HACL2: variants seen among roughly 807,000 people sequenced by gnomAD.
HACL2 encodes the protein 2-hydroxyacyl-CoA lyase 1 like.
At chr19:15,115,802 TC>T in the HACL2 span, 1 of 1,568,240 alleles carries the variant, frequency 6.4e-7, no homozygotes, top group Non-Finnish European at 8.8e-7. Context: ...CCTGGTGACA[TC>T]TCCCAGAACC....
the HACL2 span, chr19:15,118,052 C>T: frequency 6.2e-7 from 1 of 1,612,536 alleles, no homozygotes; most frequent in Non-Finnish European, 8.5e-7. Context: ...GGCAGAGGCC[C>T]CATGTCGTCT....
chr19:15,115,474 A>C, the HACL2 span: 1 of 1,604,974 alleles, frequency 6.2e-7, no homozygotes, highest in South Asian at 1.1e-5. Context: ...GACTCAGCCC[A>C]CCGCACATGC....
the HACL2 span, chr19:15,122,975 T>A: frequency 6.2e-7 from 1 of 1,603,520 alleles, no homozygotes; most frequent in Non-Finnish European, 8.5e-7. This position sits in a 1 kb window ranked among gnomAD's most constrained non-coding sequence, Gnocchi z 4.0. Context: ...CACACAAAAC[T>A]TACAGAGTGG....
the HACL2 span, chr19:15,122,727 G>T: frequency 6.2e-7 from 1 of 1,614,082 alleles, no homozygotes; most frequent in Non-Finnish European, 8.5e-7. This position sits in a 1 kb window ranked among gnomAD's most constrained non-coding sequence, Gnocchi z 4.0. Flanking sequence ...CCCTTGGGTG[G>T]CTTGGCTGGC....
At chr19:15,123,490 G>A in the HACL2 span, 22 of 1,614,044 alleles carry the variant, frequency 1.4e-5, no homozygotes, top group Admixed American at 6.7e-5. The surrounding 1 kb of genome is among the most constrained non-coding windows in gnomAD (Gnocchi z 5.1). Flanking sequence ...TGTGCCCACC[G>A]ACCAGCGTGA....
chr19:15,123,658 AGGTAAGG>A, the HACL2 span: 1 of 1,288,310 alleles, frequency 7.8e-7, no homozygotes, highest in Non-Finnish European at 1.1e-6. This position sits in a 1 kb window ranked among gnomAD's most constrained non-coding sequence, Gnocchi z 5.1. Flanking sequence ...CCCCTGCCCC[AGGTAAGG>A]GGGCAGGAGC....
chr19:15,116,855 T>C, the HACL2 span: 16 of 311,648 alleles, frequency 5.1e-5, no homozygotes, highest in Middle Eastern at 3.3e-3. Flanking sequence ...ACCAAGCACA[T>C]CTCTCAAATC....
the HACL2 span, chr19:15,122,581 C>T: frequency 1.1e-6 from 1 of 872,554 alleles, no homozygotes; most frequent in Non-Finnish European, 1.9e-6. This position sits in a 1 kb window ranked among gnomAD's most constrained non-coding sequence, Gnocchi z 4.0. Flanking sequence ...TGCTCTCCCC[C>T]CAGCTGTCTC....
At chr19:15,117,820 A>C in the HACL2 span, 2 of 1,598,696 alleles carry the variant, frequency 1.3e-6, no homozygotes, top group Non-Finnish European at 1.7e-6. Context: ...GCTGCAGCAG[A>C]AACCAGGAGG....
the HACL2 span, chr19:15,124,972 G>T: frequency 6.2e-7 from 1 of 1,607,440 alleles, no homozygotes; most frequent in Non-Finnish European, 8.5e-7. Context: ...GCGGCGCCCA[G>T]CAAGGCGGCC....
the HACL2 span, chr19:15,124,080 C>T: frequency 6.2e-6 from 1 of 160,814 alleles, no homozygotes; most frequent in Admixed American, 5.7e-5. Flanking sequence ...CTAAACAGGC[C>T]CAGGGCTTAG....
the HACL2 span, chr19:15,123,276 C>T: frequency 6.2e-7 from 1 of 1,609,478 alleles, no homozygotes; most frequent in Admixed American, 1.7e-5. The surrounding 1 kb of genome is among the most constrained non-coding windows in gnomAD (Gnocchi z 5.1). Context: ...GCCATGCCCA[C>T]TCTCTTGGCC....
At chr19:15,115,620 G>A in the HACL2 span, 76 of 1,613,778 alleles carry the variant, frequency 4.7e-5, 1 homozygote, top group South Asian at 5.5e-4. Context: ...ACCTGCTCCC[G>A]AGAAATCTGT....
the HACL2 span, chr19:15,116,318 C>A: frequency 1.2e-6 from 2 of 1,613,990 alleles, no homozygotes; most frequent in African/African-American, 2.7e-5. Flanking sequence ...TCGCTGCCTT[C>A]TCCCTGCGAC....
chr19:15,119,274 A>G, the HACL2 span: 2 of 1,608,942 alleles, frequency 1.2e-6, no homozygotes, highest in Non-Finnish European at 1.7e-6. Context: ...CCAAGGAAGC[A>G]GGGAACACCC....
the HACL2 span, chr19:15,119,950 G>A: frequency 1.4e-6 from 2 of 1,445,710 alleles, no homozygotes; most frequent in Non-Finnish European, 1.9e-6. Context: ...GGAGAGGGTA[G>A]GGTCCTCAGA....
chr19:15,120,175 C>G, the HACL2 span: 3 of 812,546 alleles, frequency 3.7e-6, no homozygotes, highest in East Asian at 5.8e-5. Context: ...GGAGAAAAGC[C>G]AGGAGCAAAG....
the HACL2 span, among the ~76,000 whole-genome samples, chr19:15,118,418 G>GA: frequency 6.6e-6 from 1 of 152,104 alleles, no homozygotes; most frequent in Non-Finnish European, 1.5e-5. Context: ...TGGGGCCAAG[G>GA]AATGTGCTCT....
At chr19:15,115,594 G>A in the HACL2 span, 1 of 1,613,720 alleles carries the variant, frequency 6.2e-7, no homozygotes, top group Non-Finnish European at 8.5e-7. Context: ...AGGCCACGTT[G>A]CTGCCCAGAG....
Sources: gnomAD v4.1 joint callset for allele counts (sites outside exome capture counted in the v4.1 genomes callset) on GRCh38, gnomAD v4.1.1 for gene constraint, Gnocchi (gnomAD v3.1) non-coding constraint, MANE v1.5 for transcripts, NCBI Gene and HGNC (gene_info 2026-07-23, HGNC 2026-07-21) for gene names.